The following CNGB3 variants were observed in gnomAD, a reference collection of about 807,000 sequenced individuals.
CNGB3 encodes the protein cyclic nucleotide-gated channel beta-3.
A neutral mutation model predicts 92.8 loss-of-function variants in CNGB3; 86 were observed. The observed-to-expected ratio is 0.93, with a 90% CI of 0.78 to 1.11. The LOEUF is 1.11. CNGB3 is among the 50% of genes least tolerant of loss of function. The pLI, the probability that CNGB3 is intolerant of heterozygous loss-of-function variation, is 0.00. For missense variants in CNGB3, 1,026 were observed against 956.8 expected, an observed-to-expected ratio of 1.07 and a Z score of -0.95; for synonymous variants, 333 against 332.7, an observed-to-expected ratio of 1.00 and a Z score of -0.01.
At chr8:86,696,966 A>G (rs949085516) in intron 3 of CNGB3, among the ~76,000 whole-genome samples, 2 of 152,236 alleles carry the variant, frequency 1.3e-5, no homozygotes, top group Non-Finnish European at 2.9e-5. Flanking sequence ...AAATCAAAAA[A>G]CATGCAACAG....
At chr8:86,649,800 G>A (rs1470969728) in intron 7 of CNGB3, among the ~76,000 whole-genome samples, 1 of 151,312 alleles carries the variant, frequency 6.6e-6, no homozygotes, top group Non-Finnish European at 1.5e-5. Flanking sequence ...TAAATAAATG[G>A]GACCTGATTA....
chr8:86,589,718 G>A (rs538992785), intron 15 of CNGB3, among the ~76,000 whole-genome samples: 2 of 151,984 alleles, frequency 1.3e-5, no homozygotes, highest in Non-Finnish European at 2.9e-5. Flanking sequence ...TTGTTATAAT[G>A]TCTGTTCTTT....
At chr8:86,676,490 A>G (rs571749603) in intron 3 of CNGB3, among the ~76,000 whole-genome samples, 13 of 152,338 alleles carry the variant, frequency 8.5e-5, no homozygotes, top group African/African-American at 3.1e-4. Context: ...ATGGGGAACC[A>G]TGGCAGAATT....
At chr8:86,658,448 C>T in intron 6 of CNGB3, 1 of 417,158 alleles carries the variant, frequency 2.4e-6, no homozygotes, top group Non-Finnish European at 4.5e-6. Flanking sequence ...CCTGGGTCTC[C>T]TGCAACCCTT....
At chr8:86,723,656 G>T (rs1825011651) in intron 3 of CNGB3, among the ~76,000 whole-genome samples, 2 of 152,122 alleles carry the variant, frequency 1.3e-5, no homozygotes, top group Non-Finnish European at 2.9e-5. Flanking sequence ...TTTAGTCAAA[G>T]CTGATACTGG....
Position 86,739,736 on chromosome 8 carries a change from C to G in CNGB3, c.130G>C (p.Glu44Gln). 6.2e-7 allele frequency: 1 copy of G among 1,604,876 alleles called. No homozygotes were observed. The highest frequency in any genetic ancestry group is 8.5e-7 in the Non-Finnish European group (1 of 1,176,326). ...GATTTCTCTTCACCTTTGTTTTCTT[C>G]CTTTGAGAAAAAACATAGAGATTGT... The part of the protein sequence containing the change: ...SNQSQQTTAQ[E>Q]ENKGEEKSLK... Residue 44 changes from glutamate to glutamine, a missense_variant and splice_region_variant, in exon 2 of 18, where the codon GAA becomes CAA. Coordinates refer to ENST00000320005, the MANE Select transcript of CNGB3 (RefSeq NM_019098.5).
intron 3 of CNGB3, among the ~76,000 whole-genome samples, chr8:86,721,083 C>T (rs536405596): frequency 2.6e-5 from 4 of 152,074 alleles, no homozygotes; most frequent in African/African-American, 9.6e-5. Context: ...TCTCATGCCT[C>T]AGCCTCCTGA....
chr8:86,582,456 C>G (rs1363764147), intron 15 of CNGB3, among the ~76,000 whole-genome samples: 1 of 150,906 alleles, frequency 6.6e-6, no homozygotes, highest in African/African-American at 2.4e-5. Context: ...ACCATAGATC[C>G]AGGAAGATAG....
intron 2 of CNGB3, among the ~76,000 whole-genome samples, chr8:86,728,635 C>G (rs1825105388): frequency 6.6e-6 from 1 of 152,074 alleles, no homozygotes; most frequent in South Asian, 2.1e-4. Flanking sequence ...CCATGGATGT[C>G]TAGTGCATTT....
intron 3 of CNGB3, among the ~76,000 whole-genome samples, chr8:86,703,117 C>G (rs1356166040): frequency 6.6e-6 from 1 of 151,978 alleles, no homozygotes; most frequent in African/African-American, 2.4e-5. Flanking sequence ...CTGTTATTTT[C>G]TTGTGATTTA....
intron 13 of CNGB3, among the ~76,000 whole-genome samples, chr8:86,623,464 G>T (rs777859434): frequency 1.4e-4 from 21 of 152,266 alleles, no homozygotes; most frequent in Admixed American, 2.6e-4. Context: ...GCGCCTTGTT[G>T]CTGCATCCTC....
rs1186089060 is a variant in CNGB3, at chr8:86,635,855, TATATATATAC to T, written c.1179-2972_1179-2963del. Among the ~76,000 whole-genome samples the T allele has an allele frequency of 6.4e-3, 501 of 78,338 alleles. 11 individuals are homozygous for T. Among genetic ancestry groups the T allele is most frequent in the African/African-American group, 0.024 (362 of 15,360 alleles). 51.4% of individuals were successfully genotyped at this position (78,338 alleles called of 152,430 possible). A position where few individuals can be genotyped will look rare whatever the true frequency, so the allele number is the denominator to read the frequency against. On this transcript the variant is annotated intron_variant, in intron 10 of 17. Transcript: ENST00000320005. ...ATATATATATATATATATATATATA[TATATATATAC>T]ACATACACATATACTTAGGCATACT...
intron 7 of CNGB3, among the ~76,000 whole-genome samples, chr8:86,651,194 T>C (rs1189245713): frequency 1.3e-5 from 2 of 151,548 alleles, no homozygotes; most frequent in Admixed American, 6.6e-5. Context: ...AAAAACTGCA[T>C]ACTGGATACA....
chr8:86,579,330 A>G, intron 15 of CNGB3, 78 bp from the exon 16 acceptor site: 1 of 1,493,338 alleles, frequency 6.7e-7, no homozygotes, highest in Admixed American at 1.7e-5. Context: ...AATAGCAACT[A>G]TTATAAGTAT....
At chr8:86,660,302 G>T in intron 6 of CNGB3, 2 of 332,060 alleles carry the variant, frequency 6.0e-6, no homozygotes, top group South Asian at 2.5e-5. Context: ...CAGGCAGGGT[G>T]GGAGGTGGGG....
chr8:86,690,056 G>T (rs1361078458), intron 3 of CNGB3, among the ~76,000 whole-genome samples: 1 of 152,088 alleles, frequency 6.6e-6, no homozygotes, highest in African/African-American at 2.4e-5. Flanking sequence ...AGCATGATTT[G>T]TATTCCTTTG....
chr8:86,627,588 T>G (rs1822872841), intron 12 of CNGB3, among the ~76,000 whole-genome samples: 2 of 152,200 alleles, frequency 1.3e-5, no homozygotes, highest in Admixed American at 6.6e-5. Flanking sequence ...TAATTCCTAT[T>G]TCATATGGTA....
intron 10 of CNGB3, among the ~76,000 whole-genome samples, chr8:86,636,285 A>G (rs866157825): frequency 1.3e-5 from 2 of 152,080 alleles, no homozygotes; most frequent in Middle Eastern, 6.8e-3. Flanking sequence ...TTAAAGCACT[A>G]ATGAGGCCGG....
chr8:86,635,520 T>TG (rs11461860), intron 10 of CNGB3, among the ~76,000 whole-genome samples: 12,722 of 151,976 alleles, frequency 0.084, 570 homozygotes, highest in African/African-American at 0.12. Context: ...ACAATTTTTT[T>TG]TATATTAAAT....
Sources: allele counts gnomAD v4.1 joint callset (sites outside exome capture counted in the v4.1 genomes callset), GRCh38; gene constraint gnomAD v4.1.1; transcripts MANE v1.5; gene names NCBI Gene and HGNC (gene_info 2026-07-23, HGNC 2026-07-21).